The following NKAIN3 variants were observed in gnomAD, a reference collection of about 807,000 sequenced individuals.
NKAIN3 encodes the protein sodium/potassium-transporting ATPase subunit beta-1-interacting protein 3.
Under a neutral mutation model 30.2 loss-of-function variants are expected in NKAIN3, and 25 were observed. That is an observed-to-expected ratio of 0.83 (90% CI 0.60 to 1.16). The LOEUF is 1.16. Among genes scored for constraint, NKAIN3 ranks in the 50% most tolerant of loss-of-function variants. NKAIN3 has a pLI of 0.00. For missense variants in NKAIN3, 225 were observed against 254.1 expected (o/e 0.89, Z 0.78); for synonymous variants, 91 against 89.6 (o/e 1.02, Z -0.09).
intron 4 of NKAIN3, among the ~76,000 whole-genome samples, chr8:62,763,221 C>CAAAAAAAAAAAAAAAAAAAAAAAAA (rs55873861): frequency 2.1e-5 from 1 of 47,162 alleles, no homozygotes; most frequent in Non-Finnish European, 4.5e-5. Context: ...GACTCCGTCT[C>CAAAAAAAAAAAAAAAAAAAAAAAAA]AAAAAAAAAA....
intron 1 of NKAIN3, among the ~76,000 whole-genome samples, chr8:62,547,610 T>C (rs890805475): frequency 5.3e-5 from 8 of 152,180 alleles, no homozygotes; most frequent in Admixed American, 5.2e-4. Context: ...AAAATACTTG[T>C]AGAATTTCAA....
At chr8:62,293,276 G>T (rs1813714189) in intron 1 of NKAIN3, among the ~76,000 whole-genome samples, 1 of 152,172 alleles carries the variant, frequency 6.6e-6, no homozygotes, top group Non-Finnish European at 1.5e-5. Flanking sequence ...TCCGTTGCTG[G>T]CGAGGAGCTG....
At chr8:62,572,524 AC>A (rs1809976372) in intron 1 of NKAIN3, among the ~76,000 whole-genome samples, 1 of 152,180 alleles carries the variant, frequency 6.6e-6, no homozygotes, top group African/African-American at 2.4e-5. Context: ...CTCTACTGGT[AC>A]TAATTTACTA....
chr8:62,534,428 A>G (rs1401585148), intron 1 of NKAIN3, among the ~76,000 whole-genome samples: 4 of 152,112 alleles, frequency 2.6e-5, no homozygotes, highest in Admixed American at 6.6e-5. Flanking sequence ...ACGAAATCAT[A>G]CCCACCAGCA....
chr8:62,903,685 G>A (rs1476772967), intron 4 of NKAIN3, among the ~76,000 whole-genome samples: 4 of 152,104 alleles, frequency 2.6e-5, no homozygotes, highest in African/African-American at 4.8e-5. Flanking sequence ...CTGTTCTCAC[G>A]CTGCTATGAA....
chr8:62,688,753 C>A (rs890112025), intron 3 of NKAIN3, among the ~76,000 whole-genome samples: 1 of 151,912 alleles, frequency 6.6e-6, no homozygotes, highest in Non-Finnish European at 1.5e-5. Context: ...CACACACACA[C>A]ACACACACAC....
chr8:62,439,347 C>T (rs1462453486), intron 1 of NKAIN3, among the ~76,000 whole-genome samples: 3 of 152,166 alleles, frequency 2.0e-5, no homozygotes, highest in Non-Finnish European at 2.9e-5. Flanking sequence ...ACTGTTAGGA[C>T]AATTACTATG....
At chr8:62,882,342 G>A (rs12545649) in intron 4 of NKAIN3, among the ~76,000 whole-genome samples, 15,990 of 151,916 alleles carry the variant, frequency 0.11, 920 homozygotes, top group Middle Eastern at 0.15. Flanking sequence ...TTTTTGAGAC[G>A]GAAGCTCGCT....
At chr8:62,541,185 C>T (rs1378479721) in intron 1 of NKAIN3, among the ~76,000 whole-genome samples, 1 of 151,912 alleles carries the variant, frequency 6.6e-6, no homozygotes, top group Non-Finnish European at 1.5e-5. Context: ...GGTGTGGTGG[C>T]ACATGCCTGT....
At chr8:62,631,588 T>G (rs894665157) in intron 3 of NKAIN3, among the ~76,000 whole-genome samples, 20 of 152,258 alleles carry the variant, frequency 1.3e-4, no homozygotes, top group Admixed American at 7.8e-4. Context: ...AATTTGCCCT[T>G]GCTAAATTTT....
At chr8:62,427,637 A>G (rs1804849085) in intron 1 of NKAIN3, among the ~76,000 whole-genome samples, 1 of 151,958 alleles carries the variant, frequency 6.6e-6, no homozygotes, top group Admixed American at 6.6e-5. Flanking sequence ...TTCTTCCTAC[A>G]AGTGTCATGT....
At chr8:62,947,133 T>C (rs970886595) in intron 5 of NKAIN3, among the ~76,000 whole-genome samples, 2 of 152,144 alleles carry the variant, frequency 1.3e-5, no homozygotes, top group East Asian at 1.9e-4. Context: ...GATATAGAAG[T>C]GTGCACTTTC....
chr8:62,673,420 G>A (rs559620878), intron 3 of NKAIN3, among the ~76,000 whole-genome samples: 3 of 152,252 alleles, frequency 2.0e-5, no homozygotes, highest in Admixed American at 6.5e-5. Flanking sequence ...AGAAAACCAA[G>A]GGTACAATCT....
At chr8:62,272,043 T>C (rs1812793459) in intron 1 of NKAIN3, among the ~76,000 whole-genome samples, 1 of 152,200 alleles carries the variant, frequency 6.6e-6, no homozygotes, top group South Asian at 2.1e-4. Context: ...GATAAAACAG[T>C]AGAATCATAG....
chr8:62,852,028 A>C (rs1489039428), intron 4 of NKAIN3, among the ~76,000 whole-genome samples: 1 of 152,036 alleles, frequency 6.6e-6, no homozygotes, highest in Non-Finnish European at 1.5e-5. Context: ...TTAGAAGGAA[A>C]GGTACCAGCT....
chr8:62,627,476 A>G (rs997536943), intron 3 of NKAIN3, among the ~76,000 whole-genome samples: 1 of 152,058 alleles, frequency 6.6e-6, no homozygotes, highest in Non-Finnish European at 1.5e-5. Flanking sequence ...AAGGGTAAAG[A>G]ATAAGACTTC....
chr8:62,398,535 C>G (rs1441060311), intron 1 of NKAIN3, among the ~76,000 whole-genome samples: 2 of 152,186 alleles, frequency 1.3e-5, no homozygotes, highest in African/African-American at 4.8e-5. Context: ...AATGGTATGG[C>G]ATGACTGAAA....
At chr8:62,777,738 T>C (rs1274089555) in intron 4 of NKAIN3, among the ~76,000 whole-genome samples, 1 of 152,164 alleles carries the variant, frequency 6.6e-6, no homozygotes, top group Non-Finnish European at 1.5e-5. Context: ...ATTTCCTTGA[T>C]AGCCTTGATA....
intron 1 of NKAIN3, among the ~76,000 whole-genome samples, chr8:62,566,062 C>T (rs1043153524): frequency 5.3e-5 from 8 of 152,164 alleles, no homozygotes; most frequent in African/African-American, 9.6e-5. Context: ...AGGCTATCTC[C>T]ATTTTTAAGG....
Sources: gnomAD v4.1 joint callset for allele counts (sites outside exome capture counted in the v4.1 genomes callset) on GRCh38, gnomAD v4.1.1 for gene constraint, MANE v1.5 for transcripts, NCBI Gene and HGNC (gene_info 2026-07-23, HGNC 2026-07-21) for gene names.